Variants in GRID1 observed in about 807,000 individuals in gnomAD.
GRID1 encodes glutamate receptor ionotropic, delta-1.
GRID1 carries 28 observed loss-of-function variants against 98.0 expected under a neutral mutation model. The ratio of observed to expected loss-of-function variants is 0.29; its 90% confidence interval spans 0.21 to 0.39. GRID1 has a LOEUF of 0.39. GRID1 is among the 10% of genes least tolerant of loss of function. The pLI is 1.00. For synonymous variants in GRID1, 553 were observed against 538.5 expected, an observed-to-expected ratio of 1.03 and a Z score of -0.37; for missense variants, 1,111 against 1,340.5, an observed-to-expected ratio of 0.83 and a Z score of 2.67.
At chr10:85,746,754 A>G (rs1201774652) in intron 8 of GRID1, among the ~76,000 whole-genome samples, 1 of 152,202 alleles carries the variant, frequency 6.6e-6, no homozygotes, top group Admixed American at 6.6e-5. Context: ...AAGTGACCTC[A>G]GTTAAAGTCA....
At chr10:86,133,052 T>A (rs1400795946) in intron 4 of GRID1, among the ~76,000 whole-genome samples, 2 of 152,242 alleles carry the variant, frequency 1.3e-5, no homozygotes, top group African/African-American at 2.4e-5. Context: ...ATCACTGGTA[T>A]CTAACTGCAG....
At chr10:86,001,632 A>G (rs4300344) in intron 4 of GRID1, among the ~76,000 whole-genome samples, 51,649 of 152,108 alleles carry the variant, frequency 0.34, 9,544 homozygotes, top group South Asian at 0.5. Flanking sequence ...ATGCAGATTC[A>G]GCTTCAGAGG....
intron 4 of GRID1, among the ~76,000 whole-genome samples, chr10:85,961,526 T>C (rs879488061): frequency 1.2e-4 from 18 of 150,914 alleles, no homozygotes; most frequent in Non-Finnish European, 2.4e-4. Context: ...CCTTCTGCCT[T>C]TCTTCCTTCC....
rs113983698 is a variant in GRID1, at chr10:85,620,109, T to C, written c.2194-76A>G. The C allele has an allele frequency of 3.2e-4, 414 of 1,274,992 alleles. 5 individuals are homozygous for C. In the African/African-American group the frequency reaches 5.2e-3, roughly 16 times the overall value. The allele number at this position is 1,274,992 out of a possible 1,614,324, so 79.0% of individuals were successfully genotyped here. A position where few individuals can be genotyped will look rare whatever the true frequency, so the allele number is the denominator to read the frequency against. On this transcript the variant is annotated intron_variant, in intron 13 of 15. Coordinates refer to ENST00000327946, the MANE Select transcript of GRID1 (RefSeq NM_017551.3). ...AGCTTTGATTGGTGAGCCATCTTGA[T>C]GGTGGGATTTGAGGGACCCATCCTC...
rs186658419 is a variant in GRID1 at position 85,952,475 on chromosome 10, A to G, written c.727-36236T>C. ...TCCCAAACTCCTCAACTCATCTGTG[A>G]TGAAACAGGCACTTTGATATCAATT... On this transcript the variant is annotated intron_variant, in intron 4 of 15. Coordinates refer to ENST00000327946, the MANE Select transcript of GRID1 (RefSeq NM_017551.3). Among the ~76,000 whole-genome samples the G allele has an allele frequency of 1.3e-3, 191 of 152,318 alleles. 1 individual carries two copies. Among genetic ancestry groups the G allele is most frequent in the Non-Finnish European group, 2.1e-3 (146 of 68,024 alleles).
chr10:85,875,938 T>C (rs1283242599), intron 5 of GRID1, among the ~76,000 whole-genome samples: 1 of 152,242 alleles, frequency 6.6e-6, no homozygotes, highest in African/African-American at 2.4e-5. Context: ...TCCTGAAGTA[T>C]ATGATTGAGA....
At chr10:85,921,283 G>C (rs966418167) in intron 4 of GRID1, among the ~76,000 whole-genome samples, 3 of 152,212 alleles carry the variant, frequency 2.0e-5, no homozygotes, top group Non-Finnish European at 2.9e-5. Context: ...GGAAAGAAAA[G>C]TGTGCTGTTA....
At chr10:86,018,128 C>A (rs894208072) in intron 4 of GRID1, among the ~76,000 whole-genome samples, 6 of 152,374 alleles carry the variant, frequency 3.9e-5, no homozygotes, top group African/African-American at 1.2e-4. Context: ...CAGTTCACAT[C>A]CAACAGGGCA....
intron 3 of GRID1, among the ~76,000 whole-genome samples, chr10:86,194,643 T>C (rs1845848223): frequency 6.6e-6 from 1 of 152,132 alleles, no homozygotes; most frequent in Non-Finnish European, 1.5e-5. Flanking sequence ...CTTATGTATA[T>C]GATACAAATA....
At chr10:85,613,302 T>C in intron 15 of GRID1, 105 bp downstream of exon 15, 2 of 1,109,470 alleles carry the variant, frequency 1.8e-6, no homozygotes, top group Non-Finnish European at 2.5e-6. Context: ...CCAGACAAGA[T>C]GACTCAGGTA....
At chr10:85,865,812 T>C (rs562537374) in intron 6 of GRID1, among the ~76,000 whole-genome samples, 4 of 150,902 alleles carry the variant, frequency 2.7e-5, no homozygotes, top group African/African-American at 9.7e-5. Context: ...GCAGGATGAA[T>C]ACATAAATCC....
chr10:86,309,788 T>C (rs924269239), intron 2 of GRID1, among the ~76,000 whole-genome samples: 7 of 152,186 alleles, frequency 4.6e-5, no homozygotes, highest in Non-Finnish European at 1.0e-4. Flanking sequence ...TGAAGTATAT[T>C]TGTCCAATTA....
intron 2 of GRID1, among the ~76,000 whole-genome samples, chr10:86,331,251 G>C (rs1174337969): frequency 6.6e-6 from 1 of 152,144 alleles, no homozygotes; most frequent in East Asian, 1.9e-4. Context: ...TGGCTCCTAG[G>C]TTCTCACTGG....
intron 13 of GRID1, among the ~76,000 whole-genome samples, chr10:85,629,589 T>G (rs1842952837): frequency 6.6e-6 from 1 of 152,248 alleles, no homozygotes; most frequent in Non-Finnish European, 1.5e-5. Context: ...CTGAATAATA[T>G]TCCTTTGCAT....
chr10:85,818,390 G>C (rs1398723148), intron 8 of GRID1, among the ~76,000 whole-genome samples: 1 of 152,174 alleles, frequency 6.6e-6, no homozygotes, highest in Admixed American at 6.5e-5. Context: ...GTGCATACAT[G>C]AGTTAATACA....
intron 4 of GRID1, among the ~76,000 whole-genome samples, chr10:86,066,683 T>C (rs1364498583): frequency 6.6e-6 from 1 of 152,338 alleles, no homozygotes. Flanking sequence ...GCTCAGCAAA[T>C]GATAACTCAG....
In GRID1 at chr10:85,729,427, C is replaced by T. The variant is rs539170371; in HGVS notation, c.1335+86G>A. 4.3e-4 allele frequency: 318 copies of T among 747,076 alleles called. 1 individual carries two copies. The highest frequency in any genetic ancestry group is 6.3e-4 in the Non-Finnish European group (265 of 422,430). 46.3% of individuals were successfully genotyped at this position (747,076 alleles called of 1,614,324 possible). A position where few individuals can be genotyped will look rare whatever the true frequency, so the allele number is the denominator to read the frequency against. The stretch of plus-strand genomic sequence containing the variant: ...AATACTCCTCAAGATTCTCTTCTCC[C>T]CAAACCCAGCATTAAACAGAAAGCA... On this transcript the variant is annotated intron_variant, in intron 9 of 15. Coordinates refer to ENST00000327946, the MANE Select transcript of GRID1 (RefSeq NM_017551.3).
chr10:85,886,560 T>C (rs1841120735), intron 5 of GRID1, among the ~76,000 whole-genome samples: 1 of 152,198 alleles, frequency 6.6e-6, no homozygotes, highest in African/African-American at 2.4e-5. Flanking sequence ...ATTTCAATGA[T>C]GGACATGTGG....
intron 6 of GRID1, 135 bp from the exon 7 acceptor site, chr10:85,856,325 G>A (rs552288315): frequency 1.2e-4 from 91 of 761,508 alleles, no homozygotes; most frequent in East Asian, 2.4e-4. Context: ...CAAGATCCTC[G>A]GCTTTTAGGT....
Sources: allele counts gnomAD v4.1 joint callset (sites outside exome capture counted in the v4.1 genomes callset), GRCh38; gene constraint gnomAD v4.1.1; transcripts MANE v1.5; gene names NCBI Gene and HGNC (gene_info 2026-07-23, HGNC 2026-07-21).